The following EPG5 variants were observed in gnomAD, a reference collection of about 807,000 sequenced individuals.
EPG5 encodes the protein ectopic P-granules 5 autophagy tethering factor.
Under a neutral mutation model 302.7 loss-of-function variants are expected in EPG5, and 159 were observed. The ratio of observed to expected loss-of-function variants is 0.53; its 90% confidence interval spans 0.46 to 0.60. The LOEUF (loss-of-function observed/expected upper bound fraction) is 0.60, where lower values mean the gene tolerates loss of function less well. Among genes scored for constraint, EPG5 ranks in the 20% least tolerant of loss-of-function variants. EPG5 has a pLI of 0.00. For synonymous variants in EPG5, 1,158 were observed against 1,136.8 expected, an observed-to-expected ratio of 1.02 and a Z score of -0.37; for missense variants, 2,896 against 3,092.4, an observed-to-expected ratio of 0.94 and a Z score of 1.51.
At chr18:45,825,155 GA>G in the EPG5 span, among the ~76,000 whole-genome samples, 4 of 116,902 alleles carry the variant, frequency 3.4e-5, no homozygotes, top group East Asian at 3.2e-4. Context: ...GGGAGGGAAG[GA>G]AGGGAGGGAG....
chr18:45,867,268 G>A (rs922067934), intron 37 of EPG5, among the ~76,000 whole-genome samples: 3 of 152,166 alleles, frequency 2.0e-5, no homozygotes, highest in African/African-American at 7.2e-5. Flanking sequence ...CTGTTCTGGT[G>A]GGACATGCCA....
At chr18:45,883,667 C>T (rs2049155442) in intron 30 of EPG5, among the ~76,000 whole-genome samples, 1 of 131,098 alleles carries the variant, frequency 7.6e-6, no homozygotes, top group African/African-American at 3.0e-5. Flanking sequence ...CTGTGTTGGC[C>T]AGACTGGTCT....
intron 27 of EPG5, chr18:45,890,248 G>A (rs574222609): frequency 5.8e-5 from 12 of 207,092 alleles, no homozygotes; most frequent in East Asian, 3.4e-4. Context: ...CTCCCCAGCC[G>A]TAGCCCTTCT....
In EPG5 at chr18:45,930,691, A is replaced by G. The variant is rs892309438; in HGVS notation, c.2397T>C (p.Val799=). Residue 799 remains valine (V), a synonymous_variant, in exon 12 of 44, where the codon GTT becomes GTC. Transcript: ENST00000282041. The part of the protein sequence containing the change: ...NVDEDFIKII[V]LEIYEVSYVT... ...ATATTCTAACCTCATATATCTCCAG[A>G]ACAATAATTTTTATGAAGTCTTCGT... The G allele has an allele frequency of 1.3e-6, 2 of 1,593,356 alleles. No homozygotes were observed. Among genetic ancestry groups the G allele is most frequent in the Non-Finnish European group, 1.7e-6 (2 of 1,174,082 alleles).
At chr18:45,955,699 C>G (rs2051013407) in intron 1 of EPG5, among the ~76,000 whole-genome samples, 1 of 152,136 alleles carries the variant, frequency 6.6e-6, no homozygotes, top group African/African-American at 2.4e-5. Flanking sequence ...GGATCTTCAG[C>G]CACAATAGGT....
intron 39 of EPG5, among the ~76,000 whole-genome samples, chr18:45,861,144 C>T (rs563310016): frequency 1.7e-4 from 26 of 152,278 alleles, no homozygotes; most frequent in Middle Eastern, 3.4e-3. Flanking sequence ...TCTTACTCAT[C>T]GCATCTATCA....
chr18:45,901,638 G>T (rs2049622024), intron 25 of EPG5, among the ~76,000 whole-genome samples: 1 of 152,148 alleles, frequency 6.6e-6, no homozygotes, highest in African/African-American at 2.4e-5. Flanking sequence ...TGCAGTAAGA[G>T]ATAAAATGAA....
rs554443272 is a variant in EPG5 at position 45,943,048 on chromosome 18, C to A, written c.1943+113G>T. On this transcript the variant is annotated intron_variant, in intron 9 of 43. Coordinates refer to ENST00000282041, the MANE Select transcript of EPG5 (RefSeq NM_020964.3). ...GTGAAGAAAAAAATCTTAACTATTA[C>A]GAGAAATAAGACCTGAGGTTTACAA... 394 of 1,035,256 alleles carry A rather than the reference C, an allele frequency of 3.8e-4. 2 individuals are homozygous for A. In the African/African-American group the frequency reaches 5.9e-3, roughly 15 times the overall value. 64.1% of individuals were successfully genotyped at this position (1,035,256 alleles called of 1,614,324 possible). A position where few individuals can be genotyped will look rare whatever the true frequency, so the allele number is the denominator to read the frequency against.
the EPG5 span, among the ~76,000 whole-genome samples, chr18:45,824,882 C>T: frequency 4.6e-5 from 7 of 152,072 alleles, no homozygotes; most frequent in East Asian, 1.9e-4. Flanking sequence ...GCTGAAGAAA[C>T]GGGTCTGGCT....
the EPG5 span, chr18:45,842,235 G>T: frequency 1.2e-6 from 2 of 1,602,558 alleles, no homozygotes; most frequent in African/African-American, 2.7e-5. Context: ...AAAGAACAAA[G>T]GCCAGTGCGA....
chr18:45,857,256 T>C (rs947857966), intron 42 of EPG5, among the ~76,000 whole-genome samples: 1 of 152,082 alleles, frequency 6.6e-6, no homozygotes, highest in African/African-American at 2.4e-5. Flanking sequence ...ACTACAGGCA[T>C]GTATCACCAT....
At chr18:45,830,642 G>A in the EPG5 span, among the ~76,000 whole-genome samples, 6 of 137,106 alleles carry the variant, frequency 4.4e-5, no homozygotes, top group African/African-American at 1.7e-4. Context: ...CTGGAGTGCA[G>A]TGGCACCATC....
the EPG5 span, among the ~76,000 whole-genome samples, chr18:45,804,537 C>T: frequency 6.6e-6 from 1 of 152,264 alleles, no homozygotes; most frequent in East Asian, 1.9e-4. Context: ...GCACATTACA[C>T]AGAGGAGAAT....
rs1358220765 is a variant in EPG5 at position 45,951,256 on chromosome 18, T to C, written c.1253-18A>G. On this transcript the variant is annotated intron_variant, in intron 3 of 43. Coordinates refer to ENST00000282041, the MANE Select transcript of EPG5 (RefSeq NM_020964.3). ...CTTAGACGCTGTAAATGAAAGATATTAAATGAGTCTCTCATAAATGGTGTT... is the reference window on the plus strand; with the variant it reads ...CTTAGACGCTGTAAATGAAAGATATCAAATGAGTCTCTCATAAATGGTGTT... The C allele has an allele frequency of 1.4e-6, 2 of 1,446,370 alleles. No homozygotes were observed. The highest frequency in any genetic ancestry group is 1.8e-6 in the Non-Finnish European group (2 of 1,094,234). The allele number at this position is 1,446,370 out of a possible 1,614,324, so 89.6% of individuals were successfully genotyped here. A position where few individuals can be genotyped will look rare whatever the true frequency, so the allele number is the denominator to read the frequency against.
downstream of EPG5, among the ~76,000 whole-genome samples, chr18:45,845,785 C>T (rs957889367): frequency 6.6e-6 from 1 of 152,186 alleles, no homozygotes; most frequent in Admixed American, 6.5e-5. Context: ...GTGGTCAATG[C>T]CCACCAGACT....
intron 13 of EPG5, among the ~76,000 whole-genome samples, chr18:45,927,594 A>G (rs951663094): frequency 0.21 from 653 of 3,136 alleles, 5 homozygotes; most frequent in African/African-American, 0.24. Flanking sequence ...AAAAAGTTAT[A>G]CACACACACA....
At chr18:45,942,386 T>C (rs919618596) in intron 9 of EPG5, among the ~76,000 whole-genome samples, 1 of 152,170 alleles carries the variant, frequency 6.6e-6, no homozygotes. Flanking sequence ...ATGGATCACT[T>C]GAGTCCAGGA....
At chr18:45,857,590 A>G (rs2048541709) in intron 42 of EPG5, 4 of 388,818 alleles carry the variant, frequency 1.0e-5, no homozygotes, top group Non-Finnish European at 1.9e-5. Flanking sequence ...TAGGTTACAA[A>G]GTCCAAACAC....
At position 45,880,128 on chromosome 18, in the gene EPG5, T is replaced by C. The variant is rs1568116795; in HGVS notation, c.5614A>G (p.Thr1872Ala). The change falls in exon 32 of 44, where the codon ACC becomes GCC. Residue 1872 changes from threonine to alanine, a missense_variant. This residue lies in a region of EPG5 where 790 missense variants were observed against 798.0 expected (regional missense o/e 0.99). Transcript: ENST00000282041. ...GAGCTGGGAAGCACGGCGCCCTCGG[T>C]GGACGCTGCCCCCTGCTGGCAGCTG... ...APSCQQGAAS[T>A]EGAVLPSSSD... 1 of 1,610,946 alleles carries C rather than the reference T, an allele frequency of 6.2e-7. No homozygotes were observed. Among genetic ancestry groups the C allele is most frequent in the Admixed American group, 1.7e-5 (1 of 59,866 alleles).
Sources: gnomAD v4.1 joint callset for allele counts (sites outside exome capture counted in the v4.1 genomes callset) on GRCh38, gnomAD v4.1.1 for gene constraint, gnomAD v4.1.1 regional missense constraint, MANE v1.5 for transcripts, NCBI Gene and HGNC (gene_info 2026-07-23, HGNC 2026-07-21) for gene names.